ACOXL: variants seen among roughly 807,000 people sequenced by gnomAD.
ACOXL encodes acyl-CoA oxidase like.
A neutral mutation model predicts 71.9 loss-of-function variants in ACOXL; 70 were observed. The ratio of observed to expected loss-of-function variants is 0.97; its 90% CI spans 0.80 to 1.19. The LOEUF is 1.19. ACOXL is among the 50% of genes most tolerant of loss of function. The probability of loss-of-function intolerance (pLI) is 0.00; values close to 1 mark genes in which losing one functional copy is unlikely to be tolerated. For synonymous variants in ACOXL, 253 were observed against 281.6 expected (o/e 0.90, Z 1.02); for missense variants, 703 against 736.3 (o/e 0.95, Z 0.52).
chr2:111,013,516 C>T (rs2064266524), intron 14 of ACOXL, among the ~76,000 whole-genome samples: 2 of 103,554 alleles, frequency 1.9e-5, no homozygotes, highest in African/African-American at 8.0e-5. Flanking sequence ...GAGGGAGACC[C>T]TGTCTCAAAA....
intron 1 of ACOXL, among the ~76,000 whole-genome samples, chr2:110,749,381 C>G (rs1206775213): frequency 2.0e-5 from 3 of 152,160 alleles, no homozygotes; most frequent in Admixed American, 6.5e-5. Context: ...TATATCCTCC[C>G]CTGTTGTTAA....
intron 1 of ACOXL, among the ~76,000 whole-genome samples, chr2:110,764,208 C>T (rs1371629455): frequency 6.6e-6 from 1 of 152,122 alleles, no homozygotes; most frequent in East Asian, 1.9e-4. Flanking sequence ...GAAACCTGCA[C>T]ATGGATATTT....
At chr2:110,884,512 G>T (rs555405464) in intron 10 of ACOXL, among the ~76,000 whole-genome samples, 3 of 152,222 alleles carry the variant, frequency 2.0e-5, no homozygotes, top group African/African-American at 7.2e-5. Context: ...CTTAAGCACT[G>T]ACATAAAAGG....
chr2:111,050,755 C>T (rs769952029), intron 16 of ACOXL, among the ~76,000 whole-genome samples: 1 of 152,236 alleles, frequency 6.6e-6, no homozygotes, highest in African/African-American at 2.4e-5. Context: ...AGAGACCACA[C>T]CTCCAGGCCT....
intron 17 of ACOXL, among the ~76,000 whole-genome samples, chr2:111,107,921 A>G (rs1358355625): frequency 2.0e-5 from 3 of 152,136 alleles, no homozygotes; most frequent in East Asian, 1.9e-4. Flanking sequence ...AACCACCCCA[A>G]TCCCTCTGTC....
chr2:111,011,920 G>A (rs1394604855), intron 14 of ACOXL, among the ~76,000 whole-genome samples: 1 of 146,978 alleles, frequency 6.8e-6, no homozygotes, highest in Admixed American at 6.8e-5. Flanking sequence ...TGTATTACCA[G>A]GGATAAAGAA....
intron 2 of ACOXL, among the ~76,000 whole-genome samples, chr2:110,773,053 G>A (rs1682166022): frequency 6.6e-6 from 1 of 152,146 alleles, no homozygotes; most frequent in Admixed American, 6.5e-5. Flanking sequence ...CCTCAGAAAA[G>A]GTCCAGGGAC....
intron 11 of ACOXL, among the ~76,000 whole-genome samples, chr2:110,921,986 A>G (rs887099926): frequency 1.3e-5 from 2 of 152,192 alleles, no homozygotes; most frequent in Admixed American, 6.5e-5. Context: ...ATGTACACTT[A>G]AAAAGGATGT....
chr2:110,997,845 A>G (rs1262115704), intron 14 of ACOXL, among the ~76,000 whole-genome samples: 1 of 152,138 alleles, frequency 6.6e-6, no homozygotes, highest in East Asian at 1.9e-4. Flanking sequence ...GCTTGAGCTC[A>G]GGAGACCAGC....
chr2:110,751,285 C>T (rs1486695079), intron 1 of ACOXL, among the ~76,000 whole-genome samples: 4 of 128,470 alleles, frequency 3.1e-5, no homozygotes, highest in Admixed American at 1.9e-4. Flanking sequence ...TGGGCGAGAG[C>T]GAGACTCCGT....
At chr2:111,112,234 A>G (rs1011847825) in intron 17 of ACOXL, among the ~76,000 whole-genome samples, 7 of 152,222 alleles carry the variant, frequency 4.6e-5, no homozygotes, top group Admixed American at 2.6e-4. Context: ...TGCTAATGAA[A>G]CTTGGTTGCA....
chr2:110,831,732 A>G (rs1340065230), intron 9 of ACOXL, among the ~76,000 whole-genome samples: 4 of 152,184 alleles, frequency 2.6e-5, no homozygotes, highest in Non-Finnish European at 4.4e-5. Context: ...AAGATCTACA[A>G]GTAGATCAAT....
At chr2:110,877,925 G>T (rs1181477859) in intron 10 of ACOXL, among the ~76,000 whole-genome samples, 1 of 152,242 alleles carries the variant, frequency 6.6e-6, no homozygotes, top group African/African-American at 2.4e-5. Flanking sequence ...TTCTTCCTGA[G>T]CAGGTGCTTT....
chr2:111,041,706 G>C (rs918063528), intron 15 of ACOXL, among the ~76,000 whole-genome samples: 8 of 152,228 alleles, frequency 5.3e-5, no homozygotes, highest in Non-Finnish European at 7.3e-5. Context: ...GCGTGCCACT[G>C]TCCACCTGGG....
chr2:110,967,052 T>C (rs988187646), intron 12 of ACOXL, among the ~76,000 whole-genome samples: 3 of 152,158 alleles, frequency 2.0e-5, no homozygotes, highest in Non-Finnish European at 4.4e-5. Context: ...AGAAAGTCAA[T>C]AGATGCGGAT....
chr2:111,068,086 C>G (rs1232733469), intron 16 of ACOXL, among the ~76,000 whole-genome samples: 1 of 152,166 alleles, frequency 6.6e-6, no homozygotes, highest in African/African-American at 2.4e-5. Flanking sequence ...CCCACCCACC[C>G]CCTATACAGT....
chr2:110,791,931 C>A (rs1020396341), intron 3 of ACOXL, among the ~76,000 whole-genome samples: 3 of 152,136 alleles, frequency 2.0e-5, no homozygotes, highest in Non-Finnish European at 1.5e-5. Context: ...GTGTGCAGGA[C>A]CTGGTCTCTG....
intron 3 of ACOXL, among the ~76,000 whole-genome samples, chr2:110,792,459 CCTT>C (rs1684768370): frequency 2.0e-5 from 3 of 152,154 alleles, no homozygotes; most frequent in African/African-American, 7.2e-5. Context: ...TTGTCTTCCT[CCTT>C]CTCTTTGTCA....
At chr2:111,060,486 C>G (rs939660740) in intron 16 of ACOXL, among the ~76,000 whole-genome samples, 2 of 152,158 alleles carry the variant, frequency 1.3e-5, no homozygotes, top group Non-Finnish European at 2.9e-5. Flanking sequence ...TTGGTGGTCA[C>G]AGAGGTTGCA....
Sources: gnomAD v4.1 joint callset for allele counts (sites outside exome capture counted in the v4.1 genomes callset) on GRCh38, gnomAD v4.1.1 for gene constraint, MANE v1.5 for transcripts, NCBI Gene and HGNC (gene_info 2026-07-23, HGNC 2026-07-21) for gene names.